The following IL1RAPL2 variants were observed in gnomAD, a reference collection of about 807,000 sequenced individuals.
IL1RAPL2 encodes the protein interleukin 1 receptor accessory protein like 2.
In IL1RAPL2, 3 loss-of-function variants were observed where a neutral mutation model predicts 44.1. That is an observed-to-expected ratio of 0.07 (90% CI 0.03 to 0.18). The LOEUF (loss-of-function observed/expected upper bound fraction) is 0.18. IL1RAPL2 is among the 10% of genes least tolerant of loss of function. IL1RAPL2 has a pLI of 1.00. For missense variants in IL1RAPL2, 391 were observed against 496.4 expected, an observed-to-expected ratio of 0.79 and a Z score of 2.02; for synonymous variants, 181 against 178.8, an observed-to-expected ratio of 1.01 and a Z score of -0.10.
At chrX:105,298,377 GA>G (rs1184842543) in intron 5 of IL1RAPL2, among the ~76,000 whole-genome samples, 1 of 110,653 alleles carries the variant, frequency 9.0e-6, no homozygotes, top group Non-Finnish European at 1.9e-5. Flanking sequence ...ATTTGTTAAT[GA>G]ATTGAATATG....
chrX:104,636,228 G>C (rs1470513206), intron 1 of IL1RAPL2, among the ~76,000 whole-genome samples: 6 of 111,595 alleles, frequency 5.4e-5, no homozygotes, highest in African/African-American at 2.0e-4. Context: ...GAGTACCCGG[G>C]CATGTGAGGT....
chrX:104,656,926 G>A (rs190292174), intron 1 of IL1RAPL2, among the ~76,000 whole-genome samples: 3 of 111,107 alleles, frequency 2.7e-5, no homozygotes, highest in East Asian at 2.8e-4. Flanking sequence ...TTACCATTAC[G>A]TAATGGCCTT....
At chrX:105,033,876 T>A (rs1436512766) in intron 2 of IL1RAPL2, among the ~76,000 whole-genome samples, 2 of 111,881 alleles carry the variant, frequency 1.8e-5, no homozygotes, top group African/African-American at 6.5e-5. Context: ...AGACATAGAT[T>A]TGGTCTTTTC....
intron 5 of IL1RAPL2, among the ~76,000 whole-genome samples, chrX:105,317,988 T>TG (rs1455195691): frequency 3.0e-4 from 33 of 108,751 alleles, no homozygotes; most frequent in African/African-American, 1.1e-3. Context: ...TTTTTTTTTT[T>TG]TAAAGACGAA....
intron 2 of IL1RAPL2, among the ~76,000 whole-genome samples, chrX:104,883,934 C>A (rs761345259): frequency 1.8e-5 from 2 of 112,100 alleles, no homozygotes; most frequent in African/African-American, 3.2e-5. Flanking sequence ...TCCCTCCCCT[C>A]CCTCAGGGTA....
chrX:105,238,359 T>G (rs1456882492), intron 4 of IL1RAPL2, among the ~76,000 whole-genome samples: 2 of 112,237 alleles, frequency 1.8e-5, no homozygotes, highest in African/African-American at 6.5e-5. Context: ...TTATTCATCC[T>G]CTCATTTTGA....
At chrX:104,756,263 T>C (rs1036865064) in intron 2 of IL1RAPL2, among the ~76,000 whole-genome samples, 5 of 92,464 alleles carry the variant, frequency 5.4e-5, no homozygotes, top group Non-Finnish European at 1.2e-4. Context: ...GAATGTAATG[T>C]GAGGTGTCAG....
chrX:104,693,267 T>C (rs973101167), intron 2 of IL1RAPL2, among the ~76,000 whole-genome samples: 2 of 111,540 alleles, frequency 1.8e-5, no homozygotes, highest in African/African-American at 3.3e-5. Flanking sequence ...CATTCAAAGA[T>C]TGGCAAGATT....
chrX:105,293,142 AAGC>A (rs2034628137), intron 5 of IL1RAPL2, among the ~76,000 whole-genome samples: 1 of 105,084 alleles, frequency 9.5e-6, no homozygotes, highest in Non-Finnish European at 1.9e-5. Flanking sequence ...AAAAGAGTGA[AAGC>A]AGTCCTGAGA....
chrX:105,244,298 C>T (rs1468844285), intron 4 of IL1RAPL2, among the ~76,000 whole-genome samples: 4 of 111,380 alleles, frequency 3.6e-5, no homozygotes, highest in African/African-American at 1.3e-4. Flanking sequence ...CCTACTTAAG[C>T]ATGCAAGAAA....
At chrX:104,914,312 T>C (rs866161441) in intron 2 of IL1RAPL2, among the ~76,000 whole-genome samples, 67 of 111,806 alleles carry the variant, frequency 6.0e-4, no homozygotes, top group Admixed American at 3.8e-4. Flanking sequence ...GTAATGTGGG[T>C]TTGGAGTGCT....
intron 4 of IL1RAPL2, among the ~76,000 whole-genome samples, chrX:105,263,950 G>A (rs1440581366): frequency 4.5e-5 from 5 of 111,618 alleles, no homozygotes; most frequent in Non-Finnish European, 9.4e-5. Context: ...CCTGGCCTCA[G>A]ACAACCATCT....
intron 2 of IL1RAPL2, among the ~76,000 whole-genome samples, chrX:105,027,114 T>A (rs1277735085): frequency 9.0e-6 from 1 of 111,176 alleles, no homozygotes; most frequent in Non-Finnish European, 1.9e-5. Context: ...GAAGACGATA[T>A]CCATATGCAG....
At chrX:105,652,259 C>T (rs2037647112) in intron 6 of IL1RAPL2, among the ~76,000 whole-genome samples, 1 of 111,658 alleles carries the variant, frequency 9.0e-6, no homozygotes, top group Admixed American at 9.5e-5. Flanking sequence ...CCAGAGGCTC[C>T]TCACTGCCTA....
intron 1 of IL1RAPL2, among the ~76,000 whole-genome samples, chrX:104,632,490 C>T (rs1929674446): frequency 9.0e-6 from 1 of 111,011 alleles, no homozygotes; most frequent in East Asian, 2.8e-4. Context: ...AATGTTCTTC[C>T]ATTTATTTGT....
chrX:105,507,720 C>T (rs2147784720), intron 6 of IL1RAPL2, among the ~76,000 whole-genome samples: 1 of 111,451 alleles, frequency 9.0e-6, no homozygotes, highest in South Asian at 3.7e-4. Flanking sequence ...CTCTAATTAT[C>T]CAAAATTTTA....
rs754112733 is a variant in IL1RAPL2 at position 104,762,281 on chromosome X, G to A, written c.82+103286G>A. On this transcript the variant is annotated intron_variant, in intron 2 of 10. Coordinates refer to ENST00000372582, the MANE Select transcript of IL1RAPL2 (RefSeq NM_017416.2). ...CCCAAAGTGCTAGGATTACAGGCATGAGCCATCACACCTGGCCAGGGAGGT... is the reference window on the plus strand; with the variant it reads ...CCCAAAGTGCTAGGATTACAGGCATAAGCCATCACACCTGGCCAGGGAGGT... 4.5e-5 allele frequency among the ~76,000 whole-genome samples: 5 copies of A among 111,266 alleles called. No homozygotes were observed. The East Asian group carries it at 1.4e-3, about 32-fold the overall frequency.
chrX:104,696,258 G>T (rs1000556185), intron 2 of IL1RAPL2, among the ~76,000 whole-genome samples: 4 of 112,086 alleles, frequency 3.6e-5, no homozygotes, highest in African/African-American at 1.3e-4. Context: ...TAAAAGAGAG[G>T]GGTAAAGCAA....
At chrX:104,989,299 ACTT>A (rs758959417) in intron 2 of IL1RAPL2, among the ~76,000 whole-genome samples, 1 of 111,534 alleles carries the variant, frequency 9.0e-6, no homozygotes, top group Non-Finnish European at 1.9e-5. Context: ...ATAAGGCTGT[ACTT>A]CTAGTCCCAA....
Sources: allele counts gnomAD v4.1 joint callset (sites outside exome capture counted in the v4.1 genomes callset), GRCh38; gene constraint gnomAD v4.1.1; transcripts MANE v1.5; gene names NCBI Gene and HGNC (gene_info 2026-07-23, HGNC 2026-07-21).